MSRB3: variants seen among roughly 807,000 people sequenced by gnomAD.
The protein encoded by MSRB3 is methionine sulfoxide reductase B3.
Under a neutral mutation model 21.0 loss-of-function variants are expected in MSRB3, and 13 were observed. The ratio of observed to expected loss-of-function variants is 0.62; its 90% CI spans 0.40 to 0.98. The LOEUF (loss-of-function observed/expected upper bound fraction) is 0.98, where lower values mean the gene tolerates loss of function less well. Among genes scored for constraint, MSRB3 ranks in the 50% least tolerant of loss-of-function variants. The probability of loss-of-function intolerance (pLI) is 0.00; values close to 1 mark genes in which losing one functional copy is unlikely to be tolerated. For synonymous variants in MSRB3, 87 were observed against 88.6 expected, an observed-to-expected ratio of 0.98 and a Z score of 0.10; for missense variants, 199 against 230.3, an observed-to-expected ratio of 0.86 and a Z score of 0.88.
intron 5 of MSRB3, among the ~76,000 whole-genome samples, chr12:65,437,148 TA>T (rs974078444): frequency 6.6e-6 from 1 of 151,766 alleles, no homozygotes; most frequent in African/African-American, 2.4e-5. Flanking sequence ...ACAACTTGAG[TA>T]AAGTTTTTGC....
chr12:65,333,758 A>G (rs1875578698), intron 4 of MSRB3, among the ~76,000 whole-genome samples: 2 of 152,136 alleles, frequency 1.3e-5, no homozygotes, highest in African/African-American at 2.4e-5. Flanking sequence ...TGCAATTTCT[A>G]CTTTGTTTTA....
At chr12:65,356,426 T>C (rs1000957888) in intron 4 of MSRB3, among the ~76,000 whole-genome samples, 3 of 151,888 alleles carry the variant, frequency 2.0e-5, no homozygotes, top group Non-Finnish European at 4.4e-5. Flanking sequence ...TAAAAACTTT[T>C]CAATGTGAAA....
chr12:65,453,138 T>A lies in MSRB3; in HGVS notation c.293-590T>A, dbSNP rs576067670. Among the ~76,000 whole-genome samples, 6 of 152,318 alleles carry A rather than the reference T, an allele frequency of 3.9e-5. No homozygotes were observed. The East Asian group carries it at 1.2e-3, about 29-fold the overall frequency. On this transcript the variant is annotated intron_variant, in intron 5 of 6. Coordinates refer to ENST00000308259, the MANE Select transcript of MSRB3 (RefSeq NM_001031679.3). ...GGACTGATGCTCTATGAGTCTCTTATGAAGTGAACAAGCTTCTTGCCCATA... is the reference window on the plus strand; with the variant it reads ...GGACTGATGCTCTATGAGTCTCTTAAGAAGTGAACAAGCTTCTTGCCCATA...
At chr12:65,384,309 A>T (rs1879100690) in intron 5 of MSRB3, among the ~76,000 whole-genome samples, 1 of 152,156 alleles carries the variant, frequency 6.6e-6, no homozygotes, top group African/African-American at 2.4e-5. Flanking sequence ...GATATCTATT[A>T]TGTGTCACCA....
intron 5 of MSRB3, among the ~76,000 whole-genome samples, chr12:65,451,127 G>A (rs1173665100): frequency 1.3e-5 from 2 of 152,152 alleles, no homozygotes; most frequent in African/African-American, 2.4e-5. Context: ...AGTCTCCAGC[G>A]TGGTTTTTCG....
Position 65,418,746 on chromosome 12 carries a change from A to C in MSRB3, c.293-34982A>C, listed in dbSNP as rs1057043514. On this transcript the variant is annotated intron_variant, in intron 5 of 6. Transcript: ENST00000308259. ...CTTAATGTCTCAGAACTTTGGTGTC[A>C]TTGATCTCAGACACCACTTTGCCAT... is the stretch of plus-strand genomic sequence containing the variant. The C allele has an allele frequency of 2.3e-5, 21 of 925,500 alleles. No individual in the cohort carries two copies. The African/African-American group carries it at 3.4e-4, about 15-fold the overall frequency. The allele number at this position is 925,500 out of a possible 1,614,324, so 57.3% of individuals were successfully genotyped here.
chr12:65,309,157 A>G (rs1873834861), intron 2 of MSRB3, among the ~76,000 whole-genome samples: 1 of 152,222 alleles, frequency 6.6e-6, no homozygotes, highest in African/African-American at 2.4e-5. Flanking sequence ...GGCCAAATAA[A>G]CAGAACTAAT....
At chr12:65,435,576 G>C (rs1194307904) in intron 5 of MSRB3, among the ~76,000 whole-genome samples, 1 of 151,798 alleles carries the variant, frequency 6.6e-6, no homozygotes, top group Non-Finnish European at 1.5e-5. Context: ...CTTAAAATTT[G>C]TACACCTGTT....
chr12:65,313,168 A>G (rs1342069387), intron 2 of MSRB3, among the ~76,000 whole-genome samples: 1 of 152,120 alleles, frequency 6.6e-6, no homozygotes, highest in Non-Finnish European at 1.5e-5. Flanking sequence ...CATAAGACTT[A>G]AGAACTCTGG....
In MSRB3 at chr12:65,364,557, A is replaced by G. The variant is rs117139336; in HGVS notation, c.264-4441A>G. On this transcript the variant is annotated intron_variant, in intron 4 of 6. Coordinates refer to ENST00000308259, the MANE Select transcript of MSRB3 (RefSeq NM_001031679.3). ...CTACCATCTAGCATAGTATACTACT[A>G]AAAATAAACACGTAAAAATATGTTT... is the stretch of plus-strand genomic sequence containing the variant. Among the ~76,000 whole-genome samples the G allele has an allele frequency of 9.8e-5, 15 of 152,322 alleles. No homozygotes were observed. In the East Asian group the frequency reaches 2.9e-3, roughly 29 times the overall value.
At chr12:65,297,099 C>T (rs995135451) in intron 1 of MSRB3, among the ~76,000 whole-genome samples, 1 of 152,114 alleles carries the variant, frequency 6.6e-6, no homozygotes, top group Non-Finnish European at 1.5e-5. Flanking sequence ...AGCCATTATC[C>T]TCAGCAAACT....
intron 5 of MSRB3, among the ~76,000 whole-genome samples, chr12:65,441,131 A>G (rs1385496074): frequency 1.3e-5 from 2 of 151,908 alleles, no homozygotes; most frequent in Admixed American, 6.6e-5. Context: ...TCTGAGATTC[A>G]ACACTCTTCA....
intron 5 of MSRB3, among the ~76,000 whole-genome samples, chr12:65,389,542 T>A (rs1361057489): frequency 1.3e-5 from 2 of 152,206 alleles, no homozygotes; most frequent in Non-Finnish European, 2.9e-5. Context: ...TCCACTCTAA[T>A]TCTTGCTATC....
intron 6 of MSRB3, among the ~76,000 whole-genome samples, chr12:65,457,682 T>A (rs1883152082): frequency 1.3e-5 from 2 of 151,522 alleles, no homozygotes; most frequent in African/African-American, 4.9e-5. Context: ...TGAGAGAAAA[T>A]TTTTGCAATC....
intron 5 of MSRB3, among the ~76,000 whole-genome samples, chr12:65,391,185 G>A (rs760499326): frequency 6.6e-6 from 1 of 152,162 alleles, no homozygotes; most frequent in Non-Finnish European, 1.5e-5. Flanking sequence ...AATGATGGGC[G>A]GAAGCATTAA....
intron 3 of MSRB3, 68 bp from the exon 4 acceptor site, chr12:65,328,458 T>C (rs1487493837): frequency 8.9e-7 from 1 of 1,129,672 alleles, no homozygotes; most frequent in East Asian, 2.4e-5. Context: ...GAAATATATT[T>C]TAAGCAAATA....
In MSRB3 at chr12:65,308,050, G is replaced by A. The variant is rs138448999; in HGVS notation, c.-51-479G>A. ...AGGAAAGAACATGGCTTTGCAGTCAGTATAGCAGGGTTTTTTAGTCCTTTT... is the reference window on the plus strand; with the variant it reads ...AGGAAAGAACATGGCTTTGCAGTCAATATAGCAGGGTTTTTTAGTCCTTTT... On this transcript the variant is annotated intron_variant, in intron 1 of 6. Coordinates refer to ENST00000308259, the MANE Select transcript of MSRB3 (RefSeq NM_001031679.3). Among the ~76,000 whole-genome samples, 936 of 152,300 alleles carry A rather than the reference G, an allele frequency of 6.1e-3. 34 individuals carry two copies. Among genetic ancestry groups the A allele is most frequent in the Admixed American group, 0.044 (672 of 15,292 alleles).
chr12:65,387,485 T>C (rs954117794), intron 5 of MSRB3, among the ~76,000 whole-genome samples: 1 of 152,190 alleles, frequency 6.6e-6, no homozygotes, highest in African/African-American at 2.4e-5. Context: ...GGAGGTTGAA[T>C]ATTTTTATTC....
chr12:65,452,669 G>A (rs185585992), intron 5 of MSRB3, among the ~76,000 whole-genome samples: 34 of 152,236 alleles, frequency 2.2e-4, no homozygotes, highest in East Asian at 1.7e-3. Context: ...TGGAGGATGA[G>A]GGAGCTTTGG....
Sources: allele counts gnomAD v4.1 joint callset (sites outside exome capture counted in the v4.1 genomes callset), GRCh38; gene constraint gnomAD v4.1.1; transcripts MANE v1.5; gene names NCBI Gene and HGNC (gene_info 2026-07-23, HGNC 2026-07-21).